The following SMARCAL1 variants were observed in gnomAD, a reference collection of about 807,000 sequenced individuals.
SMARCAL1 encodes ATP-driven annealing helicase.
A neutral mutation model predicts 94.5 loss-of-function variants in SMARCAL1; 58 were observed. That is an observed-to-expected ratio of 0.61 (90% confidence interval 0.50 to 0.76). The LOEUF is 0.76. Ranked by LOEUF, SMARCAL1 falls within the 30% of genes least tolerant of loss-of-function variation. The pLI is 0.00. For missense variants in SMARCAL1, 1,051 were observed against 1,177.9 expected, an observed-to-expected ratio of 0.89 and a Z score of 1.58; for synonymous variants, 422 against 455.1, an observed-to-expected ratio of 0.93 and a Z score of 0.93.
intron 6 of SMARCAL1, among the ~76,000 whole-genome samples, chr2:216,426,284 C>G (rs1168349487): frequency 6.6e-6 from 1 of 152,168 alleles, no homozygotes; most frequent in East Asian, 1.9e-4. Context: ...TGACAAAAAG[C>G]AGGACATTTA....
intron 14 of SMARCAL1, among the ~76,000 whole-genome samples, chr2:216,470,838 C>CAA (rs55763206): frequency 1.9e-4 from 9 of 48,070 alleles, no homozygotes; most frequent in East Asian, 8.3e-4. Context: ...AAGAACATCT[C>CAA]AAAAAAAAAA....
chr2:216,470,129 T>C (rs1313913174), intron 14 of SMARCAL1, among the ~76,000 whole-genome samples: 1 of 152,152 alleles, frequency 6.6e-6, no homozygotes, highest in Non-Finnish European at 1.5e-5. Flanking sequence ...TATTAATGTT[T>C]TATCAGTTAT....
Position 216,447,009 on chromosome 2 carries a change from GT to G in SMARCAL1, c.1711-8del, listed in dbSNP as rs772727927. The G allele has an allele frequency of 6.2e-7, 1 of 1,613,924 alleles. No homozygotes were observed. The highest frequency in any genetic ancestry group is 8.5e-7 in the Non-Finnish European group (1 of 1,180,000). ...GTGTTCAGAGCACCTTTGGCTGTTT[GT>G]CTTTTAGGTTGCCAAGAGGGTGATC... is the stretch of plus-strand genomic sequence containing the variant. On this transcript the variant is annotated splice_region_variant and splice_polypyrimidine_tract_variant and intron_variant, in intron 10 of 17. Coordinates refer to ENST00000357276, the MANE Select transcript of SMARCAL1 (RefSeq NM_014140.4).
intron 7 of SMARCAL1, among the ~76,000 whole-genome samples, chr2:216,431,891 G>A (rs936291418): frequency 6.6e-5 from 10 of 152,106 alleles, no homozygotes; most frequent in East Asian, 1.9e-4. Context: ...TCCTTTTCTC[G>A]CCTCTGTCCT....
chr2:216,472,966 A>G (rs775172264), intron 14 of SMARCAL1, among the ~76,000 whole-genome samples: 2 of 152,208 alleles, frequency 1.3e-5, no homozygotes, highest in Non-Finnish European at 1.5e-5. Flanking sequence ...TTGTAGTCCA[A>G]TCTAAGAAAA....
intron 12 of SMARCAL1, among the ~76,000 whole-genome samples, chr2:216,456,476 A>G (rs1694571306): frequency 6.6e-6 from 1 of 152,264 alleles, no homozygotes; most frequent in South Asian, 2.1e-4. Flanking sequence ...AGGGAAGCCC[A>G]TCAGACTAAC....
intron 12 of SMARCAL1, among the ~76,000 whole-genome samples, chr2:216,458,066 G>A (rs1351603962): frequency 2.0e-5 from 3 of 152,046 alleles, no homozygotes; most frequent in African/African-American, 2.4e-5. Context: ...CTCTACGCAA[G>A]TAAACTAGAA....
chr2:216,463,787 A>G (rs942735548), intron 12 of SMARCAL1, among the ~76,000 whole-genome samples: 1 of 152,230 alleles, frequency 6.6e-6, no homozygotes, highest in East Asian at 1.9e-4. Flanking sequence ...TCATGCCTGT[A>G]ATCCCAGCAC....
intron 14 of SMARCAL1, among the ~76,000 whole-genome samples, chr2:216,474,716 A>G (rs941063626): frequency 4.5e-4 from 69 of 152,194 alleles, no homozygotes; most frequent in Non-Finnish European, 8.2e-4. Context: ...AGATCGTGCC[A>G]CTGCACTCCA....
Position 216,482,776 on chromosome 2 carries a change from G to A in SMARCAL1, c.2664G>A (p.Lys888=), listed in dbSNP as rs756737042. The change falls in exon 18 of 18, where the codon AAG becomes AAA. Residue 888 remains lysine (K), a synonymous_variant. Coordinates refer to ENST00000357276, the MANE Select transcript of SMARCAL1 (RefSeq NM_014140.4). The surrounding 1 kb of genome is among the most constrained non-coding windows in gnomAD (Gnocchi z 4.3). ...AGAAGATCTACGACCTATTCCAGAAGTCCTTTGAGAAAGAAGGAAGTGATA... is the reference window on the plus strand; with the variant it reads ...AGAAGATCTACGACCTATTCCAGAAATCCTTTGAGAAAGAAGGAAGTGATA... ...KQQKIYDLFQ[K]SFEKEGSDME... is the part of the protein sequence containing the mutation. The A allele has an allele frequency of 1.9e-6, 3 of 1,614,164 alleles. 1 individual carries two copies. Among genetic ancestry groups the A allele is most frequent in the Non-Finnish European group, 2.5e-6 (3 of 1,180,012 alleles).
At chr2:216,433,984 C>CT (rs1387314937) in intron 8 of SMARCAL1, among the ~76,000 whole-genome samples, 35 of 140,992 alleles carry the variant, frequency 2.5e-4, no homozygotes, top group Middle Eastern at 3.6e-3. Context: ...GATCTGAGTT[C>CT]TTTTTTTTTT....
intron 7 of SMARCAL1, among the ~76,000 whole-genome samples, chr2:216,429,418 G>C (rs913398406): frequency 2.0e-5 from 3 of 152,188 alleles, no homozygotes; most frequent in Non-Finnish European, 4.4e-5. Flanking sequence ...CCAAAAGAAA[G>C]TCAAGGTGCT....
At chr2:216,471,433 T>A (rs1228965802) in intron 14 of SMARCAL1, among the ~76,000 whole-genome samples, 3 of 151,942 alleles carry the variant, frequency 2.0e-5, no homozygotes, top group Non-Finnish European at 4.4e-5. Context: ...CTCAGCTGAC[T>A]GCAACCTTCG....
At chr2:216,457,729 A>G (rs1293158828) in intron 12 of SMARCAL1, among the ~76,000 whole-genome samples, 1 of 152,244 alleles carries the variant, frequency 6.6e-6, no homozygotes, top group Non-Finnish European at 1.5e-5. Context: ...CCCACAAGAG[A>G]AAGCAGGAAA....
chr2:216,416,434 C>A (rs923888856), intron 4 of SMARCAL1, 127 bp downstream of exon 4: 91 of 788,696 alleles, frequency 1.2e-4, no homozygotes, highest in Non-Finnish European at 1.6e-4. Context: ...GGCACCCCCC[C>A]CAACACTCCT....
intron 5 of SMARCAL1, among the ~76,000 whole-genome samples, chr2:216,420,828 T>C (rs1382129843): frequency 2.0e-5 from 3 of 152,216 alleles, no homozygotes; most frequent in Admixed American, 2.0e-4. Context: ...CCATCTGTTT[T>C]TATTTTGGCC....
intron 14 of SMARCAL1, among the ~76,000 whole-genome samples, chr2:216,472,508 TATA>T (rs1480446136): frequency 6.6e-6 from 1 of 152,080 alleles, no homozygotes; most frequent in African/African-American, 2.4e-5. Context: ...GTATTATTTT[TATA>T]ATAAGAAAAA....
intron 13 of SMARCAL1, 63 bp downstream of exon 13, chr2:216,464,730 A>C: frequency 9.1e-7 from 1 of 1,103,750 alleles, no homozygotes; most frequent in Non-Finnish European, 1.4e-6. Context: ...AAAACAACTT[A>C]TTACTTTATT....
intron 12 of SMARCAL1, among the ~76,000 whole-genome samples, chr2:216,455,803 C>T (rs1009748307): frequency 3.3e-5 from 5 of 152,206 alleles, no homozygotes; most frequent in Non-Finnish European, 7.3e-5. Flanking sequence ...CTCTCCTCCT[C>T]CAAAGGAATG....
Sources: allele counts gnomAD v4.1 joint callset (sites outside exome capture counted in the v4.1 genomes callset), GRCh38; gene constraint gnomAD v4.1.1; non-coding constraint Gnocchi (gnomAD v3.1); transcripts MANE v1.5; gene names NCBI Gene and HGNC (gene_info 2026-07-23, HGNC 2026-07-21).